Variants in CFAP46 observed in about 807,000 individuals in gnomAD.
The protein encoded by CFAP46 is cilia- and flagella-associated protein 46.
In CFAP46, 245 loss-of-function variants were observed where a neutral mutation model predicts 325.7. The ratio of observed to expected loss-of-function variants is 0.75; its 90% CI spans 0.68 to 0.84. The LOEUF (loss-of-function observed/expected upper bound fraction) is 0.84, where lower values mean the gene tolerates loss of function less well. Among genes scored for constraint, CFAP46 ranks in the 40% least tolerant of loss-of-function variants. The probability of loss-of-function intolerance (pLI) is 0.00; values close to 1 mark genes in which losing one functional copy is unlikely to be tolerated. For synonymous variants in CFAP46, 1,523 were observed against 1,495.9 expected (o/e 1.02, Z -0.42); for missense variants, 3,346 against 3,543.0 (o/e 0.94, Z 1.41).
rs528834887 is a variant in CFAP46 at position 132,900,265 on chromosome 10, C to T, written c.2925-599G>A. Among the ~76,000 whole-genome samples, 7 of 152,346 alleles carry T rather than the reference C, an allele frequency of 4.6e-5. No individual in the cohort carries two copies. In the East Asian group the frequency reaches 1.4e-3, roughly 29 times the overall value. Reference sequence around the variant, plus strand: ...CATGGAAGTCTGGCCCCAGAAGGTCCACTCTGCACCCAGAGCTTGGCCAGG... The same window carrying T: ...CATGGAAGTCTGGCCCCAGAAGGTCTACTCTGCACCCAGAGCTTGGCCAGG... On this transcript the variant is annotated intron_variant, in intron 22 of 57. Coordinates refer to ENST00000368586, the MANE Select transcript of CFAP46 (RefSeq NM_001200049.3).
rs571581256 is a variant in CFAP46, at chr10:132,875,293, C to A, written c.4362+1519G>T. Among the ~76,000 whole-genome samples the A allele has an allele frequency of 6.6e-5, 10 of 152,312 alleles. No individual in the cohort carries two copies. In the South Asian group the frequency reaches 1.9e-3, roughly 28 times the overall value. ...CATGTCCATGGATCAAAAGGCTGAA[C>A]ACCATAACAATGTCAGTTCTCCATA... On this transcript the variant is annotated intron_variant, in intron 31 of 57. Coordinates refer to ENST00000368586, the MANE Select transcript of CFAP46 (RefSeq NM_001200049.3).
rs868436593 is a variant in CFAP46, at chr10:132,894,405, T to C, written c.3220-1988A>G. Among the ~76,000 whole-genome samples the C allele has an allele frequency of 4.6e-5, 7 of 151,930 alleles. No homozygotes were observed. The South Asian group carries it at 6.3e-4, about 14-fold the overall frequency. ...CTGTAAATGCTGTATTAAAGAAGGA[T>C]CTCAACTCAATAATCAACTTTACAT... On this transcript the variant is annotated intron_variant, in intron 24 of 57. Transcript: ENST00000368586.
chr10:132,834,002 G>A (rs781720401), intron 49 of CFAP46, 39 bp downstream of exon 49: 2 of 1,590,302 alleles, frequency 1.3e-6, no homozygotes, highest in East Asian at 4.5e-5. Flanking sequence ...CTGGCGGGAT[G>A]AGCTCCCCAG....
At position 132,834,093 on chromosome 10, in the gene CFAP46, T is replaced by G; in HGVS notation, c.6897A>C (p.Ser2299=). ...CCTTGTCTTTGCCCTTCGACTTCCC[T>G]GAATCGGCAACAACCGCAGGTGTCT... ...RVQTPAVVAD[S]GKSKGKDKER... The change falls in exon 49 of 58, where the codon TCA becomes TCC. Residue 2299 remains serine (S), a synonymous_variant. Transcript: ENST00000368586. The G allele has an allele frequency of 6.2e-7, 1 of 1,614,094 alleles. No homozygotes were observed. The highest frequency in any genetic ancestry group is 1.1e-5 in the South Asian group (1 of 91,082).
rs775563797 is a variant in CFAP46 at position 132,885,928 on chromosome 10, C to T, written c.3336G>A (p.Ala1112=). The change falls in exon 26 of 58, where the codon GCG becomes GCA. Residue 1112 remains alanine, a synonymous_variant. Transcript: ENST00000368586. ...GGCTGTGGAAGAGCAGGCCGTAGAG[C>T]GCAGCACGGAGCGCCAGGTCGTCCT... ...GAEDDLALRA[A]LYGLLFHSHA... is the part of the protein sequence containing the mutation. The T allele has an allele frequency of 3.3e-5, 51 of 1,550,232 alleles. No homozygotes were observed. In the African/African-American group the frequency reaches 3.4e-4, roughly 10 times the overall value.
At position 132,924,843 on chromosome 10, in the gene CFAP46, C is replaced by G; in HGVS notation, c.1109G>C (p.Arg370Pro). 7.0e-7 allele frequency: 1 copy of G among 1,434,380 alleles called. No homozygotes were observed. Among genetic ancestry groups the G allele is most frequent in the Non-Finnish European group, 9.2e-7 (1 of 1,086,876 alleles). 88.9% of individuals were successfully genotyped at this position (1,434,380 alleles called of 1,614,324 possible). A position where few individuals can be genotyped will look rare whatever the true frequency, so the allele number is the denominator to read the frequency against. The change falls in exon 11 of 58, where the codon CGA (arginine) becomes CCA (proline). Residue 370 changes from arginine (R) to proline (P), a missense_variant. Physicochemically the swap from Arg to Pro is moderately radical, Grantham distance 103. Transcript: ENST00000368586. Reference protein sequence around the residue: ...IIQRLDVALQRAVRLGDPRVI... With the variant: ...IIQRLDVALQPAVRLGDPRVI... ...CCGGGGGTCGCCCAGGCGCACGGCT[C>G]GCTGCAGCGCGACGTCTAGCCTCTG... is the stretch of plus-strand genomic sequence containing the variant.
At chr10:132,853,979 CT>C (rs1453432601) in intron 39 of CFAP46, among the ~76,000 whole-genome samples, 1 of 151,564 alleles carries the variant, frequency 6.6e-6, no homozygotes, top group African/African-American at 2.4e-5. Flanking sequence ...TTACTTTTCT[CT>C]TTTATTTTTC....
At chr10:132,874,506 G>A (rs1018936064) in intron 31 of CFAP46, among the ~76,000 whole-genome samples, 136 of 118,218 alleles carry the variant, frequency 1.2e-3, no homozygotes, top group African/African-American at 3.7e-3. Context: ...ATTAATTCAA[G>A]GAATGAAGGA....
chr10:132,857,629 C>T lies in CFAP46; in HGVS notation c.5535G>A (p.Gly1845=), dbSNP rs368328147. The T allele has an allele frequency of 9.3e-6, 15 of 1,613,056 alleles. No individual in the cohort carries two copies. Among genetic ancestry groups the T allele is most frequent in the Non-Finnish European group, 1.3e-5 (15 of 1,179,616 alleles). The change falls in exon 39 of 58, where the codon GGG becomes GGA. Residue 1845 remains glycine, a synonymous_variant. Transcript: ENST00000368586. ...ATAGGCCCTGGACGCTGTGAAGCCT[C>T]CCTTCTTCCTCAGCCATGGCGCCCT... is the stretch of plus-strand genomic sequence containing the variant. ...LAQGAMAEEE[G]RLHSVQGLLS...
intron 50 of CFAP46, among the ~76,000 whole-genome samples, chr10:132,821,772 CTGTGTGA>C (rs1282661486): frequency 1.7e-5 from 2 of 115,664 alleles, no homozygotes; most frequent in African/African-American, 7.4e-5. Context: ...GTGCTGTGTG[CTGTGTGA>C]GTGCTGATGT....
At chr10:132,890,546 C>G (rs368543173) in intron 25 of CFAP46, among the ~76,000 whole-genome samples, 1 of 152,138 alleles carries the variant, frequency 6.6e-6, no homozygotes, top group Non-Finnish European at 1.5e-5. Flanking sequence ...GAGTCCCCCC[C>G]AGAGGAGCGG....
chr10:132,819,220 A>G (rs1219450050), intron 50 of CFAP46, among the ~76,000 whole-genome samples: 1 of 152,222 alleles, frequency 6.6e-6, no homozygotes, highest in Non-Finnish European at 1.5e-5. Flanking sequence ...TGTGCCTTGG[A>G]AACTGTAAGA....
At chr10:132,885,698 A>ACT in intron 26 of CFAP46, 123 bp downstream of exon 26, 5 of 756,960 alleles carry the variant, frequency 6.6e-6, no homozygotes, top group South Asian at 2.3e-5. Context: ...GTGGGGGAGC[A>ACT]CACCCCCGGT....
At chr10:132,814,095 C>T (rs531563580) in intron 54 of CFAP46, 57 bp downstream of exon 54, 111 of 1,444,466 alleles carry the variant, frequency 7.7e-5, no homozygotes, top group Admixed American at 3.2e-4. Flanking sequence ...AGTGGCTCCC[C>T]GCTGGACCCC....
Position 132,889,852 on chromosome 10 carries a change from G to A in CFAP46, c.3304+2481C>T, listed in dbSNP as rs528541158. 8.5e-5 allele frequency among the ~76,000 whole-genome samples: 13 copies of A among 152,302 alleles called. No individual in the cohort carries two copies. The highest frequency in any genetic ancestry group is 2.6e-4 in the African/African-American group (11 of 41,576). On this transcript the variant is annotated intron_variant, in intron 25 of 57. Coordinates refer to ENST00000368586, the MANE Select transcript of CFAP46 (RefSeq NM_001200049.3). The surrounding 1 kb of genome is among the most constrained non-coding windows in gnomAD (Gnocchi z 6.0). ...TTCCACAGCACAGCATGGCCGTCCC[G>A]CCTGATTAAAGTATTGATGCGGCCT...
At chr10:132,900,588 G>A (rs1363538471) in intron 22 of CFAP46, among the ~76,000 whole-genome samples, 4 of 152,272 alleles carry the variant, frequency 2.6e-5, no homozygotes, top group African/African-American at 9.6e-5. Context: ...GGAGTCAAAG[G>A]AGGAAGGCGC....
Position 132,922,580 on chromosome 10 carries a change from C to A in CFAP46, c.1385G>T (p.Arg462Leu). 1 of 1,548,684 alleles carries A rather than the reference C, an allele frequency of 6.5e-7. No homozygotes were observed. Among genetic ancestry groups the A allele is most frequent in the Non-Finnish European group, 8.7e-7 (1 of 1,146,798 alleles). The change falls in exon 12 of 58, where the codon CGG becomes CTG. Residue 462 changes from arginine (R) to leucine (L), a missense_variant. Coordinates refer to ENST00000368586, the MANE Select transcript of CFAP46 (RefSeq NM_001200049.3). The stretch of plus-strand genomic sequence containing the variant: ...GGTGGAGGCCATCTGGATCCTGTCC[C>A]GGTAGAGGCCCAGGCTGTCCAGGCG... ...AARLDSLGLY[R>L]DRIQMASTRL... is the part of the protein sequence containing the mutation.
intron 24 of CFAP46, chr10:132,898,684 A>G: frequency 1.9e-6 from 1 of 517,028 alleles, no homozygotes; most frequent in South Asian, 2.0e-5. Flanking sequence ...TGCTGGCCTC[A>G]CTCTACCCGC....
At chr10:132,809,212 G>T (rs116564020) in intron 57 of CFAP46, among the ~76,000 whole-genome samples, 5,279 of 152,310 alleles carry the variant, frequency 0.035, 176 homozygotes, top group South Asian at 0.11. Context: ...GAGTGTGGCT[G>T]CGGCCTTGCA....
Sources: allele counts gnomAD v4.1 joint callset (sites outside exome capture counted in the v4.1 genomes callset), GRCh38; gene constraint gnomAD v4.1.1; non-coding constraint Gnocchi (gnomAD v3.1); transcripts MANE v1.5; gene names NCBI Gene and HGNC (gene_info 2026-07-23, HGNC 2026-07-21).